Variants in PCDHGA8 observed in about 807,000 individuals in gnomAD.
PCDHGA8 encodes the protein protocadherin gamma-A8.
A neutral mutation model predicts 59.2 loss-of-function variants in PCDHGA8; 45 were observed. That is an observed-to-expected ratio of 0.76 (90% CI 0.60 to 0.98). The LOEUF is 0.98. Among genes scored for constraint, PCDHGA8 ranks in the 50% least tolerant of loss-of-function variants. The pLI is 0.00. For missense variants in PCDHGA8, 1,257 were observed against 1,196.2 expected (o/e 1.05, Z -0.75); for synonymous variants, 531 against 519.0 (o/e 1.02, Z -0.32).
At chr5:141,478,305 C>G in intron 1 of PCDHGA8, 1 of 1,614,092 alleles carries the variant, frequency 6.2e-7, no homozygotes, top group Non-Finnish European at 8.5e-7. Context: ...TACCGAGCCC[C>G]GGTGAGCTCA....
intron 3 of PCDHGA8, among the ~76,000 whole-genome samples, chr5:141,506,381 G>A (rs750584158): frequency 2.0e-5 from 3 of 151,216 alleles, no homozygotes; most frequent in Non-Finnish European, 4.4e-5. Context: ...CCTGGGAGGT[G>A]GCTGTGGTGA....
chr5:141,503,598 CAAAA>C (rs765754054), intron 2 of PCDHGA8, among the ~76,000 whole-genome samples: 2 of 65,756 alleles, frequency 3.0e-5, no homozygotes. Flanking sequence ...GACTCCAGCT[CAAAA>C]AAAAAAAAAA....
chr5:141,427,819 T>C, intron 1 of PCDHGA8: 1 of 1,531,664 alleles, frequency 6.5e-7, no homozygotes, highest in Non-Finnish European at 8.9e-7. Context: ...AGCGGGGTGG[T>C]GGTCGCGCAG....
intron 1 of PCDHGA8, among the ~76,000 whole-genome samples, chr5:141,469,671 A>G (rs1285283342): frequency 1.3e-5 from 2 of 152,236 alleles, no homozygotes; most frequent in Non-Finnish European, 2.9e-5. Flanking sequence ...TTCTAATAAA[A>G]CTACATATGC....
intron 1 of PCDHGA8, among the ~76,000 whole-genome samples, chr5:141,439,270 A>G (rs1381185021): frequency 6.6e-6 from 1 of 152,140 alleles, no homozygotes; most frequent in African/African-American, 2.4e-5. Flanking sequence ...CCAACAGTTC[A>G]TTCTGAGACT....
intron 1 of PCDHGA8, among the ~76,000 whole-genome samples, chr5:141,445,356 A>C (rs1333905692): frequency 6.6e-6 from 1 of 152,202 alleles, no homozygotes; most frequent in Non-Finnish European, 1.5e-5. Flanking sequence ...TGTCTGCCCA[A>C]GTCTGGTCCT....
chr5:141,478,124 T>C (rs776469996), intron 1 of PCDHGA8: 1 of 1,613,978 alleles, frequency 6.2e-7, no homozygotes, highest in South Asian at 1.1e-5. Flanking sequence ...AACCGAGGAC[T>C]CTCCTGAAGC....
Position 141,491,034 on chromosome 5 carries a change from T to G in PCDHGA8, c.2425-3773T>G, listed in dbSNP as rs375902824. 1 of 1,614,170 alleles carries G rather than the reference T, an allele frequency of 6.2e-7. No homozygotes were observed. The highest frequency in any genetic ancestry group is 8.5e-7 in the Non-Finnish European group (1 of 1,180,024). On this transcript the variant is annotated intron_variant, in intron 1 of 3. Coordinates refer to ENST00000398604, the MANE Select transcript of PCDHGA8 (RefSeq NM_032088.2). The surrounding 1 kb of genome is among the most constrained non-coding windows in gnomAD (Gnocchi z 6.9). ...CCAAGGTGACAGCCGTGGATGCTGATGCAGGCCACAATGCGTGGCTCTCCT... is the reference window on the plus strand; with the variant it reads ...CCAAGGTGACAGCCGTGGATGCTGAGGCAGGCCACAATGCGTGGCTCTCCT...
intron 1 of PCDHGA8, chr5:141,419,278 A>G: frequency 6.2e-7 from 1 of 1,614,038 alleles, no homozygotes; most frequent in Non-Finnish European, 8.5e-7. Context: ...CCATAGCGCA[A>G]GTCAGTGCCT....
chr5:141,394,518 A>C lies in PCDHGA8; in HGVS notation c.1705A>C (p.Thr569Pro), dbSNP rs1256235757. 1 of 1,614,094 alleles carries C rather than the reference A, an allele frequency of 6.2e-7. No homozygotes were observed. The highest frequency in any genetic ancestry group is 8.5e-7 in the Non-Finnish European group (1 of 1,180,004). ...CGAGATCCTGTACCCCGCCCTCCCC[A>C]CAGACGGTTCCACTGGCGTGGAGCT... The part of the protein sequence containing the change: ...APEILYPALP[T>P]DGSTGVELAP... The change falls in exon 1 of 4, where the codon ACA (threonine) becomes CCA (proline). Residue 569 changes from threonine (T) to proline (P), a missense_variant. By Grantham distance (38) the Thr-to-Pro change is conservative. Coordinates refer to ENST00000398604, the MANE Select transcript of PCDHGA8 (RefSeq NM_032088.2).
In PCDHGA8 at chr5:141,485,792, G is replaced by A. The variant is rs114766079; in HGVS notation, c.2425-9015G>A. The A allele has an allele frequency of 6.2e-7, 1 of 1,614,236 alleles. No homozygotes were observed. Among genetic ancestry groups the A allele is most frequent in the East Asian group, 2.2e-5 (1 of 44,880 alleles). ...GCCTTTGGATCGAGAGAAGCAATCG[G>A]ACTACCGCCTGGTGCTGACTGCTGT... On this transcript the variant is annotated intron_variant, in intron 1 of 3. Coordinates refer to ENST00000398604, the MANE Select transcript of PCDHGA8 (RefSeq NM_032088.2). This position sits in a 1 kb window ranked among gnomAD's most constrained non-coding sequence, Gnocchi z 5.7.
intron 1 of PCDHGA8, chr5:141,492,003 T>G: frequency 1.6e-6 from 1 of 626,972 alleles, no homozygotes; most frequent in Non-Finnish European, 2.6e-6. Context: ...TCGGGCGATT[T>G]CCGCGGGTGT....
chr5:141,497,326 T>C (rs1021730142), intron 2 of PCDHGA8, among the ~76,000 whole-genome samples: 1 of 152,060 alleles, frequency 6.6e-6, no homozygotes, highest in Non-Finnish European at 1.5e-5. Flanking sequence ...TGAAGCAGAA[T>C]TCACCATTGA....
intron 1 of PCDHGA8, chr5:141,413,659 A>G (rs2095663872): frequency 1.2e-6 from 2 of 1,613,830 alleles, no homozygotes; most frequent in African/African-American, 1.3e-5. Flanking sequence ...CCCGGAAGCT[A>G]TTGATCCGGA....
At position 141,493,396 on chromosome 5, in the gene PCDHGA8, G is replaced by A. The variant is rs562217310; in HGVS notation, c.2425-1411G>A. 1.3e-5 allele frequency among the ~76,000 whole-genome samples: 2 copies of A among 152,274 alleles called. No homozygotes were observed. Among genetic ancestry groups the A allele is most frequent in the East Asian group, 3.9e-4 (2 of 5,178 alleles). The stretch of plus-strand genomic sequence containing the variant: ...TTTAAAAGCTTGAGGACAGGAGAGG[G>A]GAGTTGCCTCTGCTGGGATTTTGCT... On this transcript the variant is annotated intron_variant, in intron 1 of 3. Transcript: ENST00000398604. This position sits in a 1 kb window ranked among gnomAD's most constrained non-coding sequence, Gnocchi z 4.3.
chr5:141,487,467 T>C lies in PCDHGA8; in HGVS notation c.2425-7340T>C. ...GATGACCCTATCAAGTTTGTTGATG[T>C]GGGAGGCCACTCTCATGGCTGTACA... On this transcript the variant is annotated intron_variant, in intron 1 of 3. Transcript: ENST00000398604. The surrounding 1 kb of genome is among the most constrained non-coding windows in gnomAD (Gnocchi z 5.0). 6.2e-7 allele frequency: 1 copy of C among 1,614,186 alleles called. No individual in the cohort carries two copies. The highest frequency in any genetic ancestry group is 8.5e-7 in the Non-Finnish European group (1 of 1,180,026).
At chr5:141,418,128 T>C (rs1386757111) in intron 1 of PCDHGA8, 1 of 1,614,090 alleles carries the variant, frequency 6.2e-7, no homozygotes, top group South Asian at 1.1e-5. Flanking sequence ...AAGGACCGAA[T>C]AGACCGTGAG....
At chr5:141,503,229 T>C (rs986982708) in intron 2 of PCDHGA8, among the ~76,000 whole-genome samples, 1 of 152,080 alleles carries the variant, frequency 6.6e-6, no homozygotes, top group African/African-American at 2.4e-5. Context: ...ACCGTAAAGA[T>C]GGACAGTTTC....
At chr5:141,443,317 C>A (rs898636207) in intron 1 of PCDHGA8, among the ~76,000 whole-genome samples, 39 of 142,046 alleles carry the variant, frequency 2.7e-4, no homozygotes, top group Non-Finnish European at 2.5e-4. Context: ...CCCATCTCTA[C>A]AAAAAAAAAA....
Sources: gnomAD v4.1 joint callset for allele counts (sites outside exome capture counted in the v4.1 genomes callset) on GRCh38, gnomAD v4.1.1 for gene constraint, Gnocchi (gnomAD v3.1) non-coding constraint, MANE v1.5 for transcripts, NCBI Gene and HGNC (gene_info 2026-07-23, HGNC 2026-07-21) for gene names.